Variants in PTER observed in about 807,000 individuals in gnomAD.
The protein encoded by PTER is N-acetyltaurine hydrolase.
A neutral mutation model predicts 29.6 loss-of-function variants in PTER; 38 were observed. That is an observed-to-expected ratio of 1.28 (90% CI 0.99 to 1.68). PTER has a LOEUF of 1.68. Ranked by LOEUF, PTER falls within the 40% of genes most tolerant of loss-of-function variation. The pLI, the probability that PTER is intolerant of heterozygous loss-of-function variation, is 0.00. For missense variants in PTER, 482 were observed against 427.8 expected (o/e 1.13, Z -1.12); for synonymous variants, 172 against 154.5 (o/e 1.11, Z -0.84).
In PTER at chr10:16,502,561, A is replaced by T. The variant is rs565950058; in HGVS notation, c.699-2459A>T. ...CTAAGTTATGCTAATTTGGTGAATAAATGAAAAGGAGCCAGCCAGGGTATG... is the reference window on the plus strand; with the variant it reads ...CTAAGTTATGCTAATTTGGTGAATATATGAAAAGGAGCCAGCCAGGGTATG... On this transcript the variant is annotated intron_variant, in intron 3 of 4. Transcript: ENST00000535784. Among the ~76,000 whole-genome samples, 109 of 152,248 alleles carry T rather than the reference A, an allele frequency of 7.2e-4. 2 individuals are homozygous for T. In the South Asian group the frequency reaches 0.022, roughly 31 times the overall value.
intron 1 of PTER, among the ~76,000 whole-genome samples, chr10:16,454,540 C>T (rs1304956904): frequency 6.6e-6 from 1 of 151,704 alleles, no homozygotes; most frequent in Non-Finnish European, 1.5e-5. Context: ...CACGCCACTG[C>T]ACTCCAGCCT....
intron 4 of PTER, among the ~76,000 whole-genome samples, chr10:16,508,662 A>C (rs1836690006): frequency 2.6e-5 from 4 of 151,268 alleles, no homozygotes; most frequent in Admixed American, 2.6e-4. Context: ...GGAAATAATA[A>C]AAATTATTAT....
At chr10:16,494,666 A>G (rs1439995951) in intron 3 of PTER, among the ~76,000 whole-genome samples, 1 of 152,208 alleles carries the variant, frequency 6.6e-6, no homozygotes, top group Non-Finnish European at 1.5e-5. Context: ...ATCAAACTAA[A>G]ATTCTTGGCA....
chr10:16,490,519 C>G (rs929778355), intron 3 of PTER, among the ~76,000 whole-genome samples: 2 of 152,050 alleles, frequency 1.3e-5, no homozygotes, highest in Non-Finnish European at 2.9e-5. Context: ...AATGCTAGCT[C>G]TAGGTCTCAA....
intron 1 of PTER, among the ~76,000 whole-genome samples, chr10:16,471,540 C>A (rs1379013292): frequency 6.6e-6 from 1 of 152,140 alleles, no homozygotes; most frequent in African/African-American, 2.4e-5. Context: ...CTGTTAAGTC[C>A]TATTTATGTG....
chr10:16,473,249 C>T (rs1034435182), intron 1 of PTER, among the ~76,000 whole-genome samples: 2 of 152,048 alleles, frequency 1.3e-5, no homozygotes, highest in African/African-American at 2.4e-5. Context: ...CACCCCACCT[C>T]TAACCTGACG....
chr10:16,451,832 A>C (rs577002661), intron 1 of PTER, among the ~76,000 whole-genome samples: 9 of 152,352 alleles, frequency 5.9e-5, no homozygotes, highest in African/African-American at 2.2e-4. Context: ...TTTCTTTCAT[A>C]GATGAAATAA....
At chr10:16,502,529 G>A (rs1456026394) in intron 3 of PTER, among the ~76,000 whole-genome samples, 2 of 152,002 alleles carry the variant, frequency 1.3e-5, no homozygotes, top group Non-Finnish European at 2.9e-5. Context: ...AAACAACATC[G>A]TGAACTCTAA....
chr10:16,516,786 G>C (rs1488438762), downstream of PTER, among the ~76,000 whole-genome samples: 1 of 152,188 alleles, frequency 6.6e-6, no homozygotes, highest in Non-Finnish European at 1.5e-5. Flanking sequence ...TCCTGCGAAT[G>C]CATTAGAGTG....
chr10:16,512,523 A>G lies in PTER; in HGVS notation c.*1267A>G, dbSNP rs1368355183. 4 of 152,154 alleles carry G rather than the reference A, an allele frequency of 2.6e-5. No homozygotes were observed. The highest frequency in any genetic ancestry group is 5.9e-5 in the Non-Finnish European group (4 of 67,994). 9.4% of individuals were successfully genotyped at this position (152,154 alleles called of 1,614,324 possible). On this transcript the variant is annotated 3_prime_UTR_variant, in exon 5 of 5. Coordinates refer to ENST00000535784, the MANE Select transcript of PTER (RefSeq NM_001261836.2). Reference sequence around the variant, plus strand: ...TGTTTTTAATCATAAAAATCATGACAGTTACTCAGACCCAGGCATTTCAAC... The same window carrying G: ...TGTTTTTAATCATAAAAATCATGACGGTTACTCAGACCCAGGCATTTCAAC...
chr10:16,459,327 G>C (rs957837067), intron 1 of PTER, among the ~76,000 whole-genome samples: 1 of 152,236 alleles, frequency 6.6e-6, no homozygotes, highest in Middle Eastern at 3.4e-3. Context: ...ACTTGCAAAG[G>C]TTTATACTCT....
At chr10:16,482,429 CA>C (rs781112732) in intron 1 of PTER, among the ~76,000 whole-genome samples, 2 of 152,160 alleles carry the variant, frequency 1.3e-5, no homozygotes, top group East Asian at 1.9e-4. Flanking sequence ...ATTCGCAAAA[CA>C]AAGCTACTAT....
At chr10:16,497,916 A>G (rs139107177) in intron 3 of PTER, among the ~76,000 whole-genome samples, 3 of 150,858 alleles carry the variant, frequency 2.0e-5, no homozygotes, top group African/African-American at 7.3e-5. Flanking sequence ...ATCACTTTGG[A>G]CACCATTTTT....
At chr10:16,459,050 C>A (rs1415635638) in intron 1 of PTER, among the ~76,000 whole-genome samples, 1 of 152,090 alleles carries the variant, frequency 6.6e-6, no homozygotes, top group Non-Finnish European at 1.5e-5. Context: ...AATTCTACCC[C>A]CAGAGATGAC....
At chr10:16,478,117 G>A (rs144886956) in intron 1 of PTER, among the ~76,000 whole-genome samples, 147 of 152,278 alleles carry the variant, frequency 9.7e-4, no homozygotes, top group African/African-American at 3.3e-3. Context: ...CATTCTCAAG[G>A]CATTGAGTGT....
At chr10:16,458,209 T>TTGC (rs34688970) in intron 1 of PTER, among the ~76,000 whole-genome samples, 38,564 of 151,692 alleles carry the variant, frequency 0.25, 5,001 homozygotes, top group Middle Eastern at 0.39. Flanking sequence ...GTGAAATGTT[T>TTGC]TGCTGCTGCC....
intron 3 of PTER, among the ~76,000 whole-genome samples, chr10:16,493,550 T>C (rs1014641016): frequency 1.3e-5 from 2 of 152,166 alleles, no homozygotes; most frequent in Admixed American, 6.5e-5. Flanking sequence ...GGTTACCGGC[T>C]TGAGCCACTG....
intron 4 of PTER, 44 bp downstream of exon 4, chr10:16,505,204 C>G (rs749908449): frequency 2.5e-6 from 4 of 1,601,080 alleles, no homozygotes; most frequent in Admixed American, 3.4e-5. Flanking sequence ...TTCCCTAGCC[C>G]TTTTTGATTG....
At chr10:16,465,065 C>T (rs1323618420) in intron 1 of PTER, among the ~76,000 whole-genome samples, 1 of 152,158 alleles carries the variant, frequency 6.6e-6, no homozygotes, top group South Asian at 2.1e-4. Context: ...ATTCAAATAC[C>T]TCCCACTGGG....
Sources: gnomAD v4.1 joint callset for allele counts (sites outside exome capture counted in the v4.1 genomes callset) on GRCh38, gnomAD v4.1.1 for gene constraint, MANE v1.5 for transcripts, NCBI Gene and HGNC (gene_info 2026-07-23, HGNC 2026-07-21) for gene names.